The following COL21A1 variants were observed in gnomAD, a reference collection of about 807,000 sequenced individuals.
The protein encoded by COL21A1 is collagen alpha-1(XXI) chain.
Under a neutral mutation model 137.9 loss-of-function variants are expected in COL21A1, and 149 were observed. The ratio of observed to expected loss-of-function variants is 1.08; its 90% CI spans 0.95 to 1.24. The LOEUF (loss-of-function observed/expected upper bound fraction) is 1.24, where lower values mean the gene tolerates loss of function less well. COL21A1 is among the 50% of genes most tolerant of loss of function. The pLI is 0.00. For missense variants in COL21A1, 1,167 were observed against 1,158.4 expected (o/e 1.01, Z -0.11); for synonymous variants, 456 against 391.5 (o/e 1.16, Z -1.95).
At chr6:56,184,175 C>G (rs953795184) in intron 1 of COL21A1, among the ~76,000 whole-genome samples, 5 of 152,044 alleles carry the variant, frequency 3.3e-5, no homozygotes, top group African/African-American at 1.2e-4. Context: ...ATTCTCGGAT[C>G]AAAGAACTTC....
intron 1 of COL21A1, among the ~76,000 whole-genome samples, chr6:56,354,710 C>T (rs908975609): frequency 3.3e-5 from 5 of 152,060 alleles, no homozygotes; most frequent in Admixed American, 6.6e-5. Flanking sequence ...GGCAAGATCC[C>T]GACTCAAAAA....
At chr6:56,203,359 G>A (rs919161018) in intron 1 of COL21A1, among the ~76,000 whole-genome samples, 3 of 152,152 alleles carry the variant, frequency 2.0e-5, no homozygotes, top group Non-Finnish European at 4.4e-5. Flanking sequence ...AGACAAAAGA[G>A]GAGTCAGTGA....
chr6:56,375,872 T>C (rs1562077493), intron 1 of COL21A1, among the ~76,000 whole-genome samples: 1 of 152,126 alleles, frequency 6.6e-6, no homozygotes, highest in East Asian at 1.9e-4. Context: ...TTTAGACATG[T>C]TCTTATGTGG....
chr6:56,198,904 A>G (rs187569000), intron 1 of COL21A1, among the ~76,000 whole-genome samples: 11 of 152,242 alleles, frequency 7.2e-5, no homozygotes, highest in Admixed American at 5.9e-4. Context: ...CTCAAGAATG[A>G]CATTACTAAT....
In COL21A1 at chr6:56,168,241, C is replaced by A. The variant is rs1307917725; in HGVS notation, c.1083G>T (p.Val361=). 2 of 1,572,680 alleles carry A rather than the reference C, an allele frequency of 1.3e-6. No individual in the cohort carries two copies. The highest frequency in any genetic ancestry group is 3.6e-5 in the Admixed American group (2 of 55,884). ...TTTGTTGGTCATCAATATACAAAGT[C>A]ACATCTTGTTCTGTTACTAAGAGAC... is the stretch of plus-strand genomic sequence containing the variant. ...QIRLLVTEQD[V]TLYIDDQQIE... is the part of the protein sequence containing the mutation. Residue 361 remains valine (V), a synonymous_variant, in exon 6 of 30, where the codon GTG becomes GTT. Coordinates refer to ENST00000244728, the MANE Select transcript of COL21A1 (RefSeq NM_030820.4).
At chr6:56,181,931 A>C (rs1168959598) in intron 2 of COL21A1, among the ~76,000 whole-genome samples, 1 of 152,198 alleles carries the variant, frequency 6.6e-6, no homozygotes, top group East Asian at 1.9e-4. Flanking sequence ...TGTATTAATA[A>C]ATTTTAAGCC....
At chr6:56,356,140 G>C (rs1160400693) in intron 1 of COL21A1, among the ~76,000 whole-genome samples, 1 of 152,196 alleles carries the variant, frequency 6.6e-6, no homozygotes, top group Non-Finnish European at 1.5e-5. Context: ...GGACATAATA[G>C]AGACCAAGAA....
rs1776963805 is a variant in COL21A1, at chr6:56,170,678, C to T, written c.997G>A (p.Val333Met). 6.2e-7 allele frequency: 1 copy of T among 1,600,636 alleles called. No individual in the cohort carries two copies. Among genetic ancestry groups the T allele is most frequent in the Admixed American group, 1.7e-5 (1 of 58,342 alleles). The change falls in exon 5 of 30, where the codon GTG becomes ATG. Residue 333 changes from valine (V) to methionine (M), a missense_variant. By Grantham distance (21) the Val-to-Met change is conservative. Transcript: ENST00000244728. ...ACTTGAGGGTTAGCAAAGGTAACCA[C>T]TTGTGAGCCATTAATTACGCTGGTT... Reference protein sequence around the residue: ...TTTSVINGSQVVTFANPQVKT... With the variant: ...TTTSVINGSQMVTFANPQVKT...
intron 27 of COL21A1, 155 bp from the exon 28 acceptor site, chr6:56,060,373 T>C (rs1234161747): frequency 1.0e-5 from 7 of 682,282 alleles, no homozygotes; most frequent in East Asian, 3.0e-5. Flanking sequence ...AATTTGACTA[T>C]GGAAATATTC....
rs569339542 is a variant in COL21A1 at position 56,097,574 on chromosome 6, C to A, written c.1812+3898G>T. Reference sequence around the variant, plus strand: ...AATGGTTAAAATCTAAAGGGCCACACTCCCTGGAATGGTAAATTATTCTAG... The same window carrying A: ...AATGGTTAAAATCTAAAGGGCCACAATCCCTGGAATGGTAAATTATTCTAG... On this transcript the variant is annotated intron_variant, in intron 17 of 29. Coordinates refer to ENST00000244728, the MANE Select transcript of COL21A1 (RefSeq NM_030820.4). Among the ~76,000 whole-genome samples, 48 of 150,848 alleles carry A rather than the reference C, an allele frequency of 3.2e-4. No homozygotes were observed. The South Asian group carries it at 1.0e-2, about 31-fold the overall frequency.
chr6:56,198,183 CAG>C (rs71690695), intron 1 of COL21A1, among the ~76,000 whole-genome samples: 3,291 of 152,004 alleles, frequency 0.022, 124 homozygotes, highest in African/African-American at 0.075. Flanking sequence ...AACTCAGAAA[CAG>C]AGAGTAGAAT....
chr6:56,124,722 A>G (rs1044350536), intron 14 of COL21A1, among the ~76,000 whole-genome samples: 4 of 152,000 alleles, frequency 2.6e-5, no homozygotes, highest in Admixed American at 6.6e-5. Context: ...GCTCACTGCA[A>G]GCTCCGCCTC....
chr6:56,162,070 T>G (rs1461877336), intron 9 of COL21A1, among the ~76,000 whole-genome samples: 1 of 152,204 alleles, frequency 6.6e-6, no homozygotes, highest in Non-Finnish European at 1.5e-5. Flanking sequence ...TAAAGTAAAC[T>G]TGTCTCATCT....
intron 1 of COL21A1, chr6:56,276,816 G>GTT (rs141389271): frequency 0.014 from 10,511 of 748,220 alleles, 10 homozygotes; most frequent in South Asian, 0.02. Context: ...TGTTTTTTTT[G>GTT]TTTTTTTTTT....
chr6:56,270,342 A>G (rs928190570), intron 1 of COL21A1, among the ~76,000 whole-genome samples: 7 of 152,242 alleles, frequency 4.6e-5, no homozygotes, highest in Non-Finnish European at 8.8e-5. Context: ...ATGACACAAA[A>G]GATCCAATTC....
intron 1 of COL21A1, among the ~76,000 whole-genome samples, chr6:56,236,230 G>A (rs1451242051): frequency 1.3e-5 from 2 of 151,954 alleles, no homozygotes; most frequent in Non-Finnish European, 2.9e-5. Context: ...CAAATGCTGG[G>A]AACATGGAAA....
intron 1 of COL21A1, among the ~76,000 whole-genome samples, chr6:56,219,628 A>G (rs1001239840): frequency 1.3e-5 from 2 of 152,170 alleles, no homozygotes; most frequent in Non-Finnish European, 2.9e-5. Flanking sequence ...AAAAATTGCA[A>G]TAAAGCATCT....
At chr6:56,262,979 A>G (rs1016715257) in intron 1 of COL21A1, among the ~76,000 whole-genome samples, 1 of 152,182 alleles carries the variant, frequency 6.6e-6, no homozygotes, top group Non-Finnish European at 1.5e-5. Context: ...AGATGAAGAA[A>G]CTAATGCATT....
chr6:56,085,830 G>A (rs1458050636), intron 17 of COL21A1, among the ~76,000 whole-genome samples: 1 of 151,326 alleles, frequency 6.6e-6, no homozygotes, highest in African/African-American at 2.4e-5. Flanking sequence ...ATCAGAGCTT[G>A]AGAAATAGTG....
Sources: allele counts gnomAD v4.1 joint callset (sites outside exome capture counted in the v4.1 genomes callset), GRCh38; gene constraint gnomAD v4.1.1; transcripts MANE v1.5; gene names NCBI Gene and HGNC (gene_info 2026-07-23, HGNC 2026-07-21).